ERO1A: variants seen among roughly 807,000 people sequenced by gnomAD.
ERO1A encodes ERO1-like protein alpha.
Under a neutral mutation model 76.9 loss-of-function variants are expected in ERO1A, and 49 were observed. The ratio of observed to expected loss-of-function variants is 0.64; its 90% CI spans 0.51 to 0.81. The LOEUF (loss-of-function observed/expected upper bound fraction) is 0.81. Among genes scored for constraint, ERO1A ranks in the 30% least tolerant of loss-of-function variants. ERO1A has a pLI of 0.00. For synonymous variants in ERO1A, 174 were observed against 181.2 expected, an observed-to-expected ratio of 0.96 and a Z score of 0.32; for missense variants, 448 against 542.1, an observed-to-expected ratio of 0.83 and a Z score of 1.72.
In ERO1A at chr14:52,695,426, C is replaced by G. The variant is rs751293420; in HGVS notation, c.56G>C (p.Ser19Thr). 6.4e-7 allele frequency: 1 copy of G among 1,553,964 alleles called. No individual in the cohort carries two copies. The highest frequency in any genetic ancestry group is 8.7e-7 in the Non-Finnish European group (1 of 1,150,272). Residue 19 changes from serine to threonine, a missense_variant, in exon 1 of 16, where the codon AGC becomes ACC. Around this residue, in one of 2 missense-constraint regions of ERO1A, gnomAD observed 146 missense variants for 130.2 expected, o/e 1.12. Transcript: ENST00000395686. Reference sequence around the variant, plus strand: ...GGGCTGCTCCTCTCCGTGGCCCGAGCTGAGCAGCCACACGGCGCCCAGGAG... The same window carrying G: ...GGGCTGCTCCTCTCCGTGGCCCGAGGTGAGCAGCCACACGGCGCCCAGGAG... Reference protein sequence around the residue: ...FGLLGAVWLLSSGHGEEQPPE... With the variant: ...FGLLGAVWLLTSGHGEEQPPE...
intron 11 of ERO1A, among the ~76,000 whole-genome samples, chr14:52,656,921 T>C (rs2040069811): frequency 6.6e-6 from 1 of 152,040 alleles, no homozygotes; most frequent in Non-Finnish European, 1.5e-5. Flanking sequence ...AAAAATTAGC[T>C]GGACATGGTG....
chr14:52,653,336 A>T (rs1179062316), intron 11 of ERO1A, 21 bp from the exon 12 acceptor site: 2 of 1,540,112 alleles, frequency 1.3e-6, no homozygotes, highest in Admixed American at 4.2e-5. Context: ...AGAAGAATTA[A>T]ATATTAAAAA....
intron 2 of ERO1A, among the ~76,000 whole-genome samples, chr14:52,683,328 A>G (rs2041063877): frequency 6.6e-6 from 1 of 152,232 alleles, no homozygotes; most frequent in African/African-American, 2.4e-5. Context: ...GAGGATAGAC[A>G]ATTGTAAACT....
At chr14:52,654,526 TG>T (rs749471927) in intron 11 of ERO1A, among the ~76,000 whole-genome samples, 2 of 152,198 alleles carry the variant, frequency 1.3e-5, no homozygotes, top group Non-Finnish European at 2.9e-5. Context: ...GTCATGAGGA[TG>T]TTTTTTATAT....
At chr14:52,657,361 G>A (rs539557093) in intron 11 of ERO1A, among the ~76,000 whole-genome samples, 1 of 152,110 alleles carries the variant, frequency 6.6e-6, no homozygotes, top group Non-Finnish European at 1.5e-5. Flanking sequence ...GCACACTAGA[G>A]TGGGCAATAG....
intron 5 of ERO1A, 21 bp from the exon 6 acceptor site, chr14:52,671,724 T>A: frequency 6.3e-7 from 1 of 1,583,292 alleles, no homozygotes; most frequent in Middle Eastern, 1.7e-4. Context: ...AGAAAAAAAA[T>A]AACATTATTA....
rs1455494464 is a variant in ERO1A, at chr14:52,652,285, T to C, written c.1079A>G (p.Glu360Gly). ...TTTATCCCCAGCAAAAAATGAATTC[T>C]CATCAAAATGCAAAGGAAATGACCT... is the stretch of plus-strand genomic sequence containing the variant. ...EIKSFPLHFDENSFFAGDKKE... is the reference protein window; with the variant it reads ...EIKSFPLHFDGNSFFAGDKKE... The change falls in exon 13 of 16, where the codon GAG (glutamate) becomes GGG (glycine). Residue 360 changes from glutamate (E) to glycine (G), a missense_variant. Transcript: ENST00000395686. The C allele has an allele frequency of 4.3e-6, 7 of 1,611,082 alleles. No individual in the cohort carries two copies. Among genetic ancestry groups the C allele is most frequent in the Non-Finnish European group, 5.1e-6 (6 of 1,177,438 alleles).
intron 3 of ERO1A, among the ~76,000 whole-genome samples, chr14:52,681,352 G>C (rs912183724): frequency 6.6e-6 from 1 of 152,178 alleles, no homozygotes; most frequent in African/African-American, 2.4e-5. Context: ...CCAGCACTTT[G>C]GGAGGCTGAG....
intron 13 of ERO1A, among the ~76,000 whole-genome samples, chr14:52,651,955 C>T (rs559355578): frequency 6.6e-6 from 1 of 151,880 alleles, no homozygotes; most frequent in South Asian, 2.1e-4. Flanking sequence ...CACTCCCCAC[C>T]CCCAGCCTGT....
chr14:52,679,942 C>T (rs2139750360), intron 3 of ERO1A, among the ~76,000 whole-genome samples: 1 of 152,032 alleles, frequency 6.6e-6, no homozygotes, highest in East Asian at 2.0e-4. Flanking sequence ...CGCCTGTAGT[C>T]CCAGGTACTC....
chr14:52,692,219 T>C (rs2041377007), intron 1 of ERO1A, among the ~76,000 whole-genome samples: 1 of 152,240 alleles, frequency 6.6e-6, no homozygotes, highest in African/African-American at 2.4e-5. Context: ...CACCTTTAAT[T>C]CATTTTTTGA....
intron 11 of ERO1A, among the ~76,000 whole-genome samples, chr14:52,657,498 A>T (rs990571982): frequency 6.6e-6 from 1 of 152,212 alleles, no homozygotes; most frequent in Non-Finnish European, 1.5e-5. Flanking sequence ...AATCAACCAC[A>T]GTCTCATTTT....
At chr14:52,674,955 T>C (rs1319767118) in intron 4 of ERO1A, among the ~76,000 whole-genome samples, 2 of 152,244 alleles carry the variant, frequency 1.3e-5, no homozygotes, top group Admixed American at 1.3e-4. Flanking sequence ...TCCATCTAGC[T>C]AATGACTTAT....
intron 2 of ERO1A, among the ~76,000 whole-genome samples, 193 bp downstream of exon 2, chr14:52,683,595 G>C (rs949779976): frequency 6.6e-6 from 1 of 152,096 alleles, no homozygotes; most frequent in Non-Finnish European, 1.5e-5. Flanking sequence ...ACTCTAGAGT[G>C]TAAAATTCAG....
chr14:52,645,743 G>A (rs1366910189), intron 15 of ERO1A, among the ~76,000 whole-genome samples: 8 of 151,800 alleles, frequency 5.3e-5, no homozygotes, highest in Admixed American at 2.0e-4. Flanking sequence ...AGTGGCTCAC[G>A]CCTGTAATCC....
At chr14:52,658,608 C>T (rs2040128622) in intron 9 of ERO1A, 1 of 153,112 alleles carries the variant, frequency 6.5e-6, no homozygotes, top group Non-Finnish European at 1.5e-5. Flanking sequence ...ACATGCCATT[C>T]ACTATTTCAA....
Position 52,694,238 on chromosome 14 carries a change from T to A in ERO1A, c.114+1130A>T, listed in dbSNP as rs192078476. Among the ~76,000 whole-genome samples the A allele has an allele frequency of 1.1e-3, 174 of 152,316 alleles. 3 individuals carry two copies. Among genetic ancestry groups the A allele is most frequent in the Non-Finnish European group, 1.9e-4 (13 of 68,032 alleles). On this transcript the variant is annotated intron_variant, in intron 1 of 15. Transcript: ENST00000395686. ...AAATGACCCTTTTCCTTTTAAGTACTTGATTGTGTGTCCTTTGTAATGATT... is the reference window on the plus strand; with the variant it reads ...AAATGACCCTTTTCCTTTTAAGTACATGATTGTGTGTCCTTTGTAATGATT...
chr14:52,677,571 T>G (rs1411192981), intron 4 of ERO1A, among the ~76,000 whole-genome samples: 2 of 152,000 alleles, frequency 1.3e-5, no homozygotes, highest in African/African-American at 4.8e-5. Flanking sequence ...TAGGTAAAAA[T>G]TAAAGAAATC....
At position 52,652,965 on chromosome 14, in the gene ERO1A, A is replaced by G. The variant is rs56795989; in HGVS notation, c.1055+104T>C. 2.5e-3 allele frequency: 2,004 copies of G among 786,688 alleles called. 24 individuals are homozygous for G. The African/African-American group carries it at 0.027, about 11-fold the overall frequency. 48.7% of individuals were successfully genotyped at this position (786,688 alleles called of 1,614,324 possible). A position where few individuals can be genotyped will look rare whatever the true frequency, so the allele number is the denominator to read the frequency against. ...AGCCATGACCGTGCCACTGCACTCC[A>G]GCCTGGGCAACAGAGGGAGAGCCTG... On this transcript the variant is annotated intron_variant, in intron 12 of 15. Coordinates refer to ENST00000395686, the MANE Select transcript of ERO1A (RefSeq NM_014584.3).
Sources: gnomAD v4.1 joint callset for allele counts (sites outside exome capture counted in the v4.1 genomes callset) on GRCh38, gnomAD v4.1.1 for gene constraint, gnomAD v4.1.1 regional missense constraint, MANE v1.5 for transcripts, NCBI Gene and HGNC (gene_info 2026-07-23, HGNC 2026-07-21) for gene names.